The following CACUL1 variants were observed in gnomAD, a reference collection of about 807,000 sequenced individuals.
CACUL1 encodes the protein CDK2-associated and cullin domain-containing protein 1.
A neutral mutation model predicts 45.2 loss-of-function variants in CACUL1; 13 were observed. The observed-to-expected ratio is 0.29, with a 90% CI of 0.19 to 0.46. The LOEUF is 0.46. CACUL1 is among the 20% of genes least tolerant of loss of function. The probability of loss-of-function intolerance (pLI) is 1.00; values close to 1 mark genes in which losing one functional copy is unlikely to be tolerated. For synonymous variants in CACUL1, 197 were observed against 174.2 expected (o/e 1.13, Z -1.03); for missense variants, 421 against 471.4 (o/e 0.89, Z 0.99).
intron 1 of CACUL1, among the ~76,000 whole-genome samples, chr10:118,746,650 A>T (rs990086753): frequency 6.6e-6 from 1 of 152,136 alleles, no homozygotes. Flanking sequence ...CACCGTTAAG[A>T]AAAAAAAGAC....
At chr10:118,713,921 A>G (rs1332082386) in intron 3 of CACUL1, among the ~76,000 whole-genome samples, 1 of 152,234 alleles carries the variant, frequency 6.6e-6, no homozygotes, top group Non-Finnish European at 1.5e-5. Context: ...TTTTGTTTAT[A>G]TGCAGGTTGT....
chr10:118,688,296 AAGTG>A (rs1312414203), intron 7 of CACUL1, among the ~76,000 whole-genome samples: 1 of 152,266 alleles, frequency 6.6e-6, no homozygotes. Context: ...AGCCAAAGCC[AAGTG>A]AGTGTCTTCC....
chr10:118,750,441 T>C (rs924058477), intron 1 of CACUL1, among the ~76,000 whole-genome samples: 4 of 152,334 alleles, frequency 2.6e-5, no homozygotes, highest in Non-Finnish European at 2.9e-5. Flanking sequence ...AAATCCAAAG[T>C]GACTCCAATT....
chr10:118,751,957 A>G (rs1341522026), intron 1 of CACUL1, among the ~76,000 whole-genome samples: 1 of 152,114 alleles, frequency 6.6e-6, no homozygotes, highest in East Asian at 1.9e-4. Context: ...TATAGTATTT[A>G]CTTTTGATTA....
At chr10:118,707,850 TAAA>T (rs757033567) in intron 3 of CACUL1, among the ~76,000 whole-genome samples, 9 of 152,106 alleles carry the variant, frequency 5.9e-5, no homozygotes, top group Non-Finnish European at 8.8e-5. Flanking sequence ...TTTTACTGCA[TAAA>T]AAGGTGCACT....
At chr10:118,729,436 C>A in intron 2 of CACUL1, 39 bp from the exon 3 acceptor site, 1 of 1,431,160 alleles carries the variant, frequency 7.0e-7, no homozygotes, top group South Asian at 1.1e-5. Flanking sequence ...CCAAGTTAAT[C>A]ATAAAGCACT....
At chr10:118,731,133 A>C (rs1845693912) in intron 1 of CACUL1, among the ~76,000 whole-genome samples, 2 of 152,214 alleles carry the variant, frequency 1.3e-5, no homozygotes, top group Non-Finnish European at 2.9e-5. Flanking sequence ...CAGCTTTGAA[A>C]TCCAGGTAAC....
intron 1 of CACUL1, among the ~76,000 whole-genome samples, chr10:118,739,177 CAG>C (rs1845769103): frequency 6.7e-6 from 1 of 148,546 alleles, no homozygotes; most frequent in Non-Finnish European, 1.5e-5. Context: ...GCCTGGGTGA[CAG>C]AGACTCCTCC....
At chr10:118,734,513 G>T (rs1011815715) in intron 1 of CACUL1, among the ~76,000 whole-genome samples, 3 of 152,196 alleles carry the variant, frequency 2.0e-5, no homozygotes, top group Admixed American at 6.5e-5. Context: ...TAGATTTTCA[G>T]CTTGAAAATA....
intron 1 of CACUL1, among the ~76,000 whole-genome samples, chr10:118,754,092 T>C (rs1169930155): frequency 6.6e-6 from 1 of 152,126 alleles, no homozygotes; most frequent in Non-Finnish European, 1.5e-5. Context: ...AGCTTCCCAA[T>C]GTTGAGAGAC....
chr10:118,710,496 G>T (rs1845474498), intron 3 of CACUL1, among the ~76,000 whole-genome samples: 1 of 152,138 alleles, frequency 6.6e-6, no homozygotes, highest in Non-Finnish European at 1.5e-5. Context: ...CTGACAATGG[G>T]AATACTAGCA....
At chr10:118,694,018 C>G (rs1171242565) in intron 6 of CACUL1, among the ~76,000 whole-genome samples, 1 of 152,122 alleles carries the variant, frequency 6.6e-6, no homozygotes, top group African/African-American at 2.4e-5. Flanking sequence ...GCGCCCGCCA[C>G]CATACCAGGC....
intron 6 of CACUL1, among the ~76,000 whole-genome samples, chr10:118,692,099 G>C (rs983888978): frequency 6.6e-5 from 10 of 151,898 alleles, no homozygotes; most frequent in African/African-American, 2.4e-4. Flanking sequence ...ACAATATATA[G>C]CCCAAGAATA....
chr10:118,717,391 A>T (rs142685879), intron 3 of CACUL1, among the ~76,000 whole-genome samples: 22 of 152,336 alleles, frequency 1.4e-4, no homozygotes, highest in African/African-American at 5.3e-4. Flanking sequence ...GACTAGTATC[A>T]AATTCAGGGA....
chr10:118,696,435 G>C (rs559610887), intron 5 of CACUL1, among the ~76,000 whole-genome samples: 1 of 152,328 alleles, frequency 6.6e-6, no homozygotes, highest in Non-Finnish European at 1.5e-5. Context: ...AAGGTCAGGA[G>C]TTCAAGACCA....
chr10:118,717,849 T>C (rs1178301988), intron 3 of CACUL1, among the ~76,000 whole-genome samples: 1 of 152,130 alleles, frequency 6.6e-6, no homozygotes, highest in Non-Finnish European at 1.5e-5. Flanking sequence ...GAAAGAAATC[T>C]GAGAGGCCAT....
chr10:118,696,354 A>T (rs1407940941), intron 5 of CACUL1, among the ~76,000 whole-genome samples: 1 of 152,138 alleles, frequency 6.6e-6, no homozygotes, highest in African/African-American at 2.4e-5. Flanking sequence ...GTTTTAAGAA[A>T]ATTTACAGGC....
At chr10:118,692,557 A>AG (rs1845282469) in intron 6 of CACUL1, 1 of 152,216 alleles carries the variant, frequency 6.6e-6, no homozygotes, top group Non-Finnish European at 1.5e-5. Context: ...ACCTGTATCA[A>AG]GGGCATGGGG....
intron 1 of CACUL1, among the ~76,000 whole-genome samples, chr10:118,730,802 A>G (rs1339038956): frequency 1.3e-5 from 2 of 152,216 alleles, no homozygotes; most frequent in Non-Finnish European, 2.9e-5. Context: ...GAAAATTTGG[A>G]GAAATCGTGA....
Sources: gnomAD v4.1 joint callset for allele counts (sites outside exome capture counted in the v4.1 genomes callset) on GRCh38, gnomAD v4.1.1 for gene constraint, MANE v1.5 for transcripts, NCBI Gene and HGNC (gene_info 2026-07-23, HGNC 2026-07-21) for gene names.